Variants in NHSL1 observed in about 807,000 individuals in gnomAD.
The protein encoded by NHSL1 is NHS like 1.
Under a neutral mutation model 95.0 loss-of-function variants are expected in NHSL1, and 48 were observed. The ratio of observed to expected loss-of-function variants is 0.51; its 90% CI spans 0.40 to 0.64. The LOEUF (loss-of-function observed/expected upper bound fraction) is 0.64, where lower values mean the gene tolerates loss of function less well. Among genes scored for constraint, NHSL1 ranks in the 30% least tolerant of loss-of-function variants. The probability of loss-of-function intolerance (pLI) is 0.00; values close to 1 mark genes in which losing one functional copy is unlikely to be tolerated. For missense variants in NHSL1, 1,971 were observed against 2,077.7 expected (o/e 0.95, Z 1.00); for synonymous variants, 783 against 833.9 (o/e 0.94, Z 1.05).
intron 1 of NHSL1, among the ~76,000 whole-genome samples, chr6:138,666,211 G>A (rs749306363): frequency 6.6e-6 from 1 of 152,192 alleles, no homozygotes; most frequent in Non-Finnish European, 1.5e-5. Context: ...GCTGAGGCAG[G>A]AGAATCACTT....
intron 3 of NHSL1, among the ~76,000 whole-genome samples, chr6:138,452,315 C>A (rs1777289280): frequency 6.6e-6 from 1 of 152,230 alleles, no homozygotes; most frequent in South Asian, 2.1e-4. Context: ...GACAAGCTCT[C>A]ACCAGATGGA....
At chr6:138,564,526 T>A (rs1252465012) in intron 1 of NHSL1, among the ~76,000 whole-genome samples, 4 of 152,066 alleles carry the variant, frequency 2.6e-5, no homozygotes, top group Admixed American at 2.0e-4. Context: ...CTGGCCAGAC[T>A]AAGCCAAATT....
chr6:138,450,281 A>C (rs1777145133), intron 3 of NHSL1, among the ~76,000 whole-genome samples: 1 of 152,248 alleles, frequency 6.6e-6, no homozygotes, highest in Admixed American at 6.5e-5. Context: ...TTTGAATTTC[A>C]AGCTAGTAAA....
intron 5 of NHSL1, among the ~76,000 whole-genome samples, chr6:138,435,487 T>A (rs372742151): frequency 6.6e-6 from 1 of 152,122 alleles, no homozygotes; most frequent in Admixed American, 6.6e-5. Flanking sequence ...GAGCTAAGTA[T>A]AACTTTCTTA....
intron 1 of NHSL1, among the ~76,000 whole-genome samples, chr6:138,677,420 T>C (rs2114777297): frequency 6.6e-6 from 1 of 152,286 alleles, no homozygotes; most frequent in East Asian, 1.9e-4. Flanking sequence ...CAAGAGAGGT[T>C]GCCCTAAGCC....
intron 1 of NHSL1, among the ~76,000 whole-genome samples, chr6:138,651,219 ATTTATTATTTAAATT>A (rs925043833): frequency 1.3e-5 from 2 of 152,202 alleles, no homozygotes; most frequent in African/African-American, 4.8e-5. Context: ...AGCTTTTTCC[ATTTATTATTTAAATT>A]TGGAGAGGTC....
chr6:138,645,282 C>G (rs1044935121), intron 1 of NHSL1, among the ~76,000 whole-genome samples: 3 of 152,112 alleles, frequency 2.0e-5, no homozygotes, highest in Admixed American at 6.6e-5. Context: ...CAACAGGGCC[C>G]CGGGCACTCA....
At chr6:138,447,475 T>G (rs1034351070) in intron 3 of NHSL1, among the ~76,000 whole-genome samples, 4 of 152,128 alleles carry the variant, frequency 2.6e-5, no homozygotes, top group Admixed American at 2.0e-4. Context: ...TCTACTGTGG[T>G]CAGAAAGCTC....
At chr6:138,552,601 C>T in intron 1 of NHSL1, among the ~76,000 whole-genome samples, 1 of 152,144 alleles carries the variant, frequency 6.6e-6, no homozygotes, top group East Asian at 1.9e-4. Flanking sequence ...GCTCTCCTAA[C>T]ACTCAAAGTG....
intron 1 of NHSL1, among the ~76,000 whole-genome samples, chr6:138,622,664 G>GA (rs1204522766): frequency 2.0e-5 from 3 of 151,778 alleles, no homozygotes; most frequent in African/African-American, 4.8e-5. Context: ...TTCAGAAGGG[G>GA]AAAAAAAATA....
At chr6:138,674,143 C>G (rs1045200696) in intron 1 of NHSL1, among the ~76,000 whole-genome samples, 7 of 151,652 alleles carry the variant, frequency 4.6e-5, no homozygotes, top group South Asian at 2.1e-4. Flanking sequence ...AAAAAAGCAA[C>G]AAATTTTTTT....
chr6:138,612,571 A>G (rs1379983770), intron 1 of NHSL1, among the ~76,000 whole-genome samples: 1 of 152,238 alleles, frequency 6.6e-6, no homozygotes, highest in African/African-American at 2.4e-5. Flanking sequence ...GTCTTAGAAG[A>G]TACATGAGAG....
chr6:138,606,763 C>T (rs1014618168), intron 1 of NHSL1, among the ~76,000 whole-genome samples: 20 of 142,836 alleles, frequency 1.4e-4, no homozygotes, highest in African/African-American at 3.9e-4. Context: ...AGTGCAGTGG[C>T]GCAATCTCAG....
chr6:138,443,818 A>C (rs1305390656), intron 4 of NHSL1, among the ~76,000 whole-genome samples: 1 of 152,244 alleles, frequency 6.6e-6, no homozygotes, highest in East Asian at 1.9e-4. Context: ...CGACAGAGTG[A>C]GACCTCCATA....
chr6:138,442,236 A>G, intron 4 of NHSL1, 122 bp from the exon 5 acceptor site: 1 of 993,622 alleles, frequency 1.0e-6, no homozygotes. Context: ...AGCCAGTCAT[A>G]TGATGATGAA....
chr6:138,448,465 A>G (rs1281940370), intron 3 of NHSL1, among the ~76,000 whole-genome samples: 1 of 152,210 alleles, frequency 6.6e-6, no homozygotes, highest in East Asian at 1.9e-4. Context: ...GAACCTTCCC[A>G]AAGGGAATAC....
At chr6:138,546,852 C>T (rs540271348), upstream of NHSL1, among the ~76,000 whole-genome samples, 12 of 152,304 alleles carry the variant, frequency 7.9e-5, no homozygotes, top group South Asian at 2.5e-3. Context: ...CTCTCAAACA[C>T]AGGTGGAAAG....
At position 138,433,508 on chromosome 6, in the gene NHSL1, G is replaced by A; in HGVS notation, c.837C>T (p.Ile279=). 6.4e-7 allele frequency: 1 copy of A among 1,552,022 alleles called. No homozygotes were observed. Among genetic ancestry groups the A allele is most frequent in the Non-Finnish European group, 8.7e-7 (1 of 1,147,086 alleles). ...VKVVPPSMRR[I]RAQKGQGIAA... ...CAATGCCTTGCCCCTTCTGTGCCCT[G>A]ATTCTCCTCATGGAAGGTGGTACGA... Residue 279 remains isoleucine (I), a synonymous_variant, in exon 6 of 8, where the codon ATC becomes ATT. Transcript: ENST00000343505.
chr6:138,435,933 T>C (rs1776066074), intron 5 of NHSL1, among the ~76,000 whole-genome samples: 1 of 152,156 alleles, frequency 6.6e-6, no homozygotes, highest in Admixed American at 6.5e-5. Flanking sequence ...CTATTGTAAT[T>C]GTTTTGGGGG....
Sources: gnomAD v4.1 joint callset for allele counts (sites outside exome capture counted in the v4.1 genomes callset) on GRCh38, gnomAD v4.1.1 for gene constraint, MANE v1.5 for transcripts, NCBI Gene and HGNC (gene_info 2026-07-23, HGNC 2026-07-21) for gene names.